The following BMX variants were observed in gnomAD, a reference collection of about 807,000 sequenced individuals.
BMX encodes the protein cytoplasmic tyrosine-protein kinase BMX.
Under a neutral mutation model 59.2 loss-of-function variants are expected in BMX, and 31 were observed. The observed-to-expected ratio is 0.52, with a 90% CI of 0.39 to 0.71. The LOEUF (loss-of-function observed/expected upper bound fraction) is 0.71, where lower values mean the gene tolerates loss of function less well. Ranked by LOEUF, BMX falls within the 30% of genes least tolerant of loss-of-function variation. The pLI, the probability that BMX is intolerant of heterozygous loss-of-function variation, is 0.00. For missense variants in BMX, 474 were observed against 491.7 expected (o/e 0.96, Z 0.34); for synonymous variants, 185 against 181.0 (o/e 1.02, Z -0.18).
chrX:15,516,497 A>C, intron 5 of BMX, among the ~76,000 whole-genome samples: 1 of 111,930 alleles, frequency 8.9e-6, no homozygotes, highest in Non-Finnish European at 1.9e-5. Context: ...ATCATTAATC[A>C]AGCAATGAGC....
chrX:15,544,129 A>G (rs1261383269), intron 16 of BMX, among the ~76,000 whole-genome samples: 2 of 111,478 alleles, frequency 1.8e-5, no homozygotes, highest in Non-Finnish European at 3.8e-5. Flanking sequence ...TGCAGTTTAA[A>G]AGAGATCTGA....
chrX:15,501,689 C>T (rs1307114333), intron 1 of BMX, among the ~76,000 whole-genome samples: 1 of 111,824 alleles, frequency 8.9e-6, no homozygotes, highest in African/African-American at 3.3e-5. Flanking sequence ...GTCTAATGAT[C>T]GCCCGGATGA....
chrX:15,540,831 G>A (rs1451185404), intron 14 of BMX, among the ~76,000 whole-genome samples: 1 of 111,262 alleles, frequency 9.0e-6, no homozygotes, highest in Non-Finnish European at 1.9e-5. Flanking sequence ...CCAAAAATGT[G>A]TCCAAATTCA....
chrX:15,525,919 C>G (rs1488837459), intron 8 of BMX, 123 bp from the exon 9 acceptor site: 2 of 564,316 alleles, frequency 3.5e-6, no homozygotes, highest in African/African-American at 2.3e-5. Context: ...GAAGGAGAAA[C>G]CTAACAATCT....
At chrX:15,548,364 C>T (rs945480481) in intron 17 of BMX, among the ~76,000 whole-genome samples, 2 of 110,630 alleles carry the variant, frequency 1.8e-5, no homozygotes, top group African/African-American at 3.3e-5. Flanking sequence ...GGCTGAGGCA[C>T]GAGAATCGCT....
chrX:15,508,540 T>C (rs778667976), intron 2 of BMX, 49 bp downstream of exon 2: 2 of 1,007,455 alleles, frequency 2.0e-6, no homozygotes, highest in Non-Finnish European at 2.7e-6. Flanking sequence ...TTATTTTTCC[T>C]AAGTCTCCAC....
intron 1 of BMX, among the ~76,000 whole-genome samples, chrX:15,504,639 TA>T (rs1923678680): frequency 8.9e-6 from 1 of 112,339 alleles, no homozygotes; most frequent in Admixed American, 9.4e-5. Flanking sequence ...TTATAAATCC[TA>T]AAAAACTATA....
chrX:15,536,688 G>T (rs986421810), intron 13 of BMX, among the ~76,000 whole-genome samples: 14 of 110,356 alleles, frequency 1.3e-4, no homozygotes, highest in African/African-American at 4.0e-4. Flanking sequence ...GCACACCATT[G>T]TCTGTCCTAT....
intron 7 of BMX, 121 bp from the exon 8 acceptor site, chrX:15,525,167 G>T: frequency 1.5e-6 from 1 of 679,565 alleles, no homozygotes; most frequent in South Asian, 3.7e-5. Context: ...CCAAACAAGT[G>T]AAATGTGTGG....
intron 10 of BMX, 116 bp downstream of exon 10, chrX:15,530,143 G>A (rs1924996581): frequency 2.0e-5 from 14 of 713,289 alleles, no homozygotes; most frequent in Middle Eastern, 3.8e-4. Context: ...AGTCATTGTA[G>A]TGTTGCTTGT....
rs1162894603 is a variant in BMX, at chrX:15,522,436, A to G, written c.601A>G (p.Asn201Asp). The G allele has an allele frequency of 4.1e-6, 5 of 1,212,197 alleles. No homozygotes were observed. The highest frequency in any genetic ancestry group is 2.2e-5 in the Admixed American group (1 of 46,105). ...CCAATATGACAACGAATCAAAGAAA[A>G]ACTATGGCTCCCAGCCACCATCTTC... ...LAQYDNESKK[N>D]YGSQPPSSST... is the part of the protein sequence containing the mutation. The change falls in exon 7 of 19, where the codon AAC becomes GAC. Residue 201 changes from asparagine to aspartate, a missense_variant. Asn to Asp is a conservative substitution (Grantham distance 23). Coordinates refer to ENST00000348343, the MANE Select transcript of BMX (RefSeq NM_203281.3).
At chrX:15,555,201 C>CTT (rs34118728) in intron 18 of BMX, among the ~76,000 whole-genome samples, 1,270 of 41,462 alleles carry the variant, frequency 0.031, 131 homozygotes, top group African/African-American at 0.062. Flanking sequence ...ACGAGGGAAG[C>CTT]TTTTTTTTTT....
chrX:15,522,528 C>T lies in BMX; in HGVS notation c.693C>T (p.Asn231=). The T allele has an allele frequency of 3.3e-6, 4 of 1,212,005 alleles. No individual in the cohort carries two copies. The South Asian group carries it at 7.0e-5, about 21-fold the overall frequency. The change falls in exon 7 of 19, where the codon AAC becomes AAT. Residue 231 remains asparagine, a synonymous_variant. Transcript: ENST00000348343. ...TCTATGGCTCCCAGCCAAACTTCAACATGCAGTATATTCCAAGGGAAGACT... is the reference window on the plus strand; with the variant it reads ...TCTATGGCTCCCAGCCAAACTTCAATATGCAGTATATTCCAAGGGAAGACT... ...KKIYGSQPNF[N]MQYIPREDFP... is the part of the protein sequence containing the mutation.
chrX:15,517,083 C>A (rs1467928011), intron 5 of BMX, among the ~76,000 whole-genome samples: 2 of 111,456 alleles, frequency 1.8e-5, no homozygotes. Flanking sequence ...AAATTCACTT[C>A]ATGACAGTAT....
At chrX:15,543,261 C>A in intron 16 of BMX, 126 bp downstream of exon 16, 1 of 537,638 alleles carries the variant, frequency 1.9e-6, no homozygotes, top group Non-Finnish European at 3.0e-6. Flanking sequence ...AAACCTAAGT[C>A]CCTCCCATGG....
chrX:15,549,722 C>T, intron 17 of BMX, 118 bp from the exon 18 acceptor site: 1 of 833,224 alleles, frequency 1.2e-6, no homozygotes, highest in Non-Finnish European at 1.7e-6. Flanking sequence ...CCCAGGGATC[C>T]CTCACTCTGA....
At chrX:15,545,291 T>A (rs1925894134) in intron 16 of BMX, among the ~76,000 whole-genome samples, 1 of 111,713 alleles carries the variant, frequency 9.0e-6, no homozygotes, top group South Asian at 3.7e-4. Flanking sequence ...GGAAAGGAAG[T>A]AAAGCACACT....
At chrX:15,533,181 A>T (rs1476263677) in intron 11 of BMX, among the ~76,000 whole-genome samples, 1 of 112,202 alleles carries the variant, frequency 8.9e-6, no homozygotes, top group Non-Finnish European at 1.9e-5. Flanking sequence ...TTACAGCAAC[A>T]ATTTTTTAAT....
intron 11 of BMX, 86 bp downstream of exon 11, chrX:15,531,493 A>G (rs1015451619): frequency 6.2e-6 from 5 of 804,029 alleles, no homozygotes; most frequent in Non-Finnish European, 9.2e-6. Context: ...GGGATAAGAC[A>G]TCATCTTTAA....
Sources: gnomAD v4.1 joint callset for allele counts (sites outside exome capture counted in the v4.1 genomes callset) on GRCh38, gnomAD v4.1.1 for gene constraint, MANE v1.5 for transcripts, NCBI Gene and HGNC (gene_info 2026-07-23, HGNC 2026-07-21) for gene names.